APBB1: variants seen among roughly 807,000 people sequenced by gnomAD.
APBB1 encodes adaptor protein FE65a2.
APBB1 carries 22 observed loss-of-function variants against 78.4 expected under a neutral mutation model. That is an observed-to-expected ratio of 0.28 (90% CI 0.20 to 0.40). The LOEUF is 0.40. APBB1 is among the 10% of genes least tolerant of loss of function. The pLI, the probability that APBB1 is intolerant of heterozygous loss-of-function variation, is 1.00. For synonymous variants in APBB1, 369 were observed against 372.7 expected (o/e 0.99, Z 0.12); for missense variants, 749 against 932.4 (o/e 0.80, Z 2.56).
At chr11:6,399,641 C>G (rs1283588785) in intron 12 of APBB1, among the ~76,000 whole-genome samples, 1 of 152,230 alleles carries the variant, frequency 6.6e-6, no homozygotes, top group Admixed American at 6.5e-5. Flanking sequence ...ACCCACTTAA[C>G]AGTCCCCTCC....
At chr11:6,402,059 C>T (rs757658996) in intron 8 of APBB1, 23 bp downstream of exon 8, 7 of 1,612,402 alleles carry the variant, frequency 4.3e-6, no homozygotes, top group South Asian at 1.1e-5. Context: ...CTCCCACCCT[C>T]GAATCCCAAG....
At chr11:6,396,275 C>G (rs1848217672) in intron 12 of APBB1, 60 bp from the exon 13 acceptor site, 1 of 1,425,364 alleles carries the variant, frequency 7.0e-7, no homozygotes, top group African/African-American at 1.4e-5. Flanking sequence ...CAGCTCTACC[C>G]TGGACCTCTA....
chr11:6,408,532 C>G (rs1848879367), intron 2 of APBB1, among the ~76,000 whole-genome samples: 2 of 148,172 alleles, frequency 1.3e-5, no homozygotes, highest in Admixed American at 1.4e-4. Context: ...GAGAAGGAGT[C>G]TCGCTCTTAT....
chr11:6,414,649 G>GAA, intron 1 of APBB1, among the ~76,000 whole-genome samples: 1 of 152,198 alleles, frequency 6.6e-6, no homozygotes. Context: ...GGGTCCCTGA[G>GAA]TGGGAAGTAA....
intron 7 of APBB1, 177 bp from the exon 8 acceptor site, chr11:6,402,386 C>T (rs1265793468): frequency 2.7e-6 from 3 of 1,124,440 alleles, no homozygotes; most frequent in Non-Finnish European, 3.8e-6. Context: ...ACATTGACTC[C>T]ACCGTTGTTA....
intron 2 of APBB1, chr11:6,404,958 G>A (rs1318782927): frequency 2.1e-6 from 3 of 1,438,496 alleles, no homozygotes; most frequent in African/African-American, 2.9e-5. Context: ...TCCCCCGCTT[G>A]GAGCTTGCTA....
chr11:6,410,011 C>T (rs1848917218), intron 2 of APBB1, among the ~76,000 whole-genome samples: 1 of 151,906 alleles, frequency 6.6e-6, no homozygotes, highest in African/African-American at 2.4e-5. Context: ...CTGTGGGGAG[C>T]TGCTGGCTGC....
At chr11:6,409,834 T>C (rs542487979) in intron 2 of APBB1, among the ~76,000 whole-genome samples, 5 of 152,342 alleles carry the variant, frequency 3.3e-5, no homozygotes, top group African/African-American at 1.2e-4. Flanking sequence ...ACATATTTAA[T>C]GATTAAGCCC....
intron 2 of APBB1, chr11:6,404,700 G>A: frequency 6.5e-7 from 1 of 1,535,994 alleles, no homozygotes; most frequent in Non-Finnish European, 8.7e-7. Flanking sequence ...TTCTCTCCCT[G>A]TCAGCCCCAC....
chr11:6,403,471 C>T lies in APBB1; in HGVS notation c.954+17G>A. On this transcript the variant is annotated intron_variant, in intron 4 of 14. Transcript: ENST00000609360. This position sits in a 1 kb window ranked among gnomAD's most constrained non-coding sequence, Gnocchi z 5.3. The stretch of plus-strand genomic sequence containing the variant: ...CTCCTCCAGCTATCCCGTGGTAAAG[C>T]AGGTCCCCTTACCCACCTTCCAAAA... 6.2e-7 allele frequency: 1 copy of T among 1,614,206 alleles called. No homozygotes were observed. Among genetic ancestry groups the T allele is most frequent in the Non-Finnish European group, 8.5e-7 (1 of 1,180,008 alleles).
At position 6,401,152 on chromosome 11, in the gene APBB1, A is replaced by C; in HGVS notation, c.1589-80T>G. 1 of 1,613,694 alleles carries C rather than the reference A, an allele frequency of 6.2e-7. No individual in the cohort carries two copies. Among genetic ancestry groups the C allele is most frequent in the Admixed American group, 1.7e-5 (1 of 60,022 alleles). ...CCCACCAGCAGGGCATAAGCTGGACACTTGCCCAGCCGAGGCCCTACTTTC... is the reference window on the plus strand; with the variant it reads ...CCCACCAGCAGGGCATAAGCTGGACCCTTGCCCAGCCGAGGCCCTACTTTC... On this transcript the variant is annotated intron_variant, in intron 11 of 14. Transcript: ENST00000609360. This position sits in a 1 kb window ranked among gnomAD's most constrained non-coding sequence, Gnocchi z 4.5.
At position 6,403,153 on chromosome 11, in the gene APBB1, C is replaced by A. The variant is rs769249728; in HGVS notation, c.1096G>T (p.Gly366Trp). The change falls in exon 6 of 15, where the codon GGG becomes TGG. Residue 366 changes from glycine (G) to tryptophan (W), a missense_variant. Coordinates refer to ENST00000609360, the MANE Select transcript of APBB1 (RefSeq NM_001164.5). This position sits in a 1 kb window ranked among gnomAD's most constrained non-coding sequence, Gnocchi z 5.3. Reference protein sequence around the residue: ...EKLPPRNTNPGIKCFAVRSLG... With the variant: ...EKLPPRNTNPWIKCFAVRSLG... ...GTCAGTCTTGAACAAACCTTGATCC[C>A]TGGGTTGGTATTCCGTGGGGGAAGC... The A allele has an allele frequency of 6.2e-7, 1 of 1,612,222 alleles. No homozygotes were observed. The highest frequency in any genetic ancestry group is 1.1e-5 in the South Asian group (1 of 90,672).
At chr11:6,417,191 A>G (rs979580947) in intron 1 of APBB1, among the ~76,000 whole-genome samples, 1 of 152,074 alleles carries the variant, frequency 6.6e-6, no homozygotes, top group Admixed American at 6.5e-5. Context: ...TCCTTCTACA[A>G]GGTGTTTGCA....
intron 2 of APBB1, among the ~76,000 whole-genome samples, chr11:6,407,411 G>C (rs1201788070): frequency 1.3e-5 from 2 of 152,206 alleles, no homozygotes; most frequent in African/African-American, 4.8e-5. Flanking sequence ...CCAGGGGCAA[G>C]TGAGCAACTA....
chr11:6,396,505 T>G (rs1327041763), intron 12 of APBB1: 4 of 381,154 alleles, frequency 1.0e-5, no homozygotes, highest in Non-Finnish European at 9.5e-6. Flanking sequence ...CTCAAAGTTC[T>G]GATTTCCCCA....
intron 12 of APBB1, among the ~76,000 whole-genome samples, chr11:6,397,560 T>C (rs1442488220): frequency 6.6e-6 from 1 of 152,266 alleles, no homozygotes; most frequent in East Asian, 1.9e-4. Context: ...GAAAAGCCTC[T>C]GTCTTGAGTG....
intron 1 of APBB1, among the ~76,000 whole-genome samples, chr11:6,417,086 T>TCTGCG (rs1276334760): frequency 6.6e-6 from 1 of 152,242 alleles, no homozygotes; most frequent in Admixed American, 6.5e-5. Flanking sequence ...TCCTGCTCAG[T>TCTGCG]CTGGCGCCTG....
At chr11:6,414,835 C>T (rs1016901733) in intron 1 of APBB1, among the ~76,000 whole-genome samples, 2 of 152,154 alleles carry the variant, frequency 1.3e-5, no homozygotes, top group African/African-American at 4.8e-5. Flanking sequence ...GGATGGCAAA[C>T]CCTTCTCTGA....
chr11:6,400,248 T>G (rs1848432835), intron 12 of APBB1, among the ~76,000 whole-genome samples: 1 of 152,136 alleles, frequency 6.6e-6, no homozygotes, highest in Non-Finnish European at 1.5e-5. Context: ...ATATAAGAGT[T>G]AACCAGATCA....
Sources: gnomAD v4.1 joint callset for allele counts (sites outside exome capture counted in the v4.1 genomes callset) on GRCh38, gnomAD v4.1.1 for gene constraint, Gnocchi (gnomAD v3.1) non-coding constraint, MANE v1.5 for transcripts, NCBI Gene and HGNC (gene_info 2026-07-23, HGNC 2026-07-21) for gene names.